The following GPR149 variants were observed in gnomAD, a reference collection of about 807,000 sequenced individuals.
The protein encoded by GPR149 is probable G protein-coupled receptor 149.
Under a neutral mutation model 50.2 loss-of-function variants are expected in GPR149, and 50 were observed. The observed-to-expected ratio is 1.00, with a 90% CI of 0.79 to 1.26. The LOEUF is 1.26. Among genes scored for constraint, GPR149 ranks in the 50% most tolerant of loss-of-function variants. The pLI, the probability that GPR149 is intolerant of heterozygous loss-of-function variation, is 0.00. For missense variants in GPR149, 983 were observed against 895.4 expected, an observed-to-expected ratio of 1.10 and a Z score of -1.25; for synonymous variants, 405 against 358.2, an observed-to-expected ratio of 1.13 and a Z score of -1.48.
rs374985361 is a variant in GPR149 at position 154,338,127 on chromosome 3, C to A, written c.1768G>T (p.Glu590Ter). 6.2e-7 allele frequency: 1 copy of A among 1,614,022 alleles called. No homozygotes were observed. Among genetic ancestry groups the A allele is most frequent in the Non-Finnish European group, 8.5e-7 (1 of 1,180,030 alleles). The part of the protein sequence containing the change: ...QKITPASKKI[E>*]VYRSKSVGHE... ...CCAACACTTTTGGATCGATAGACTT[C>A]TATTTTCTTAGAGGCTGGAGTTATT... is the stretch of plus-strand genomic sequence containing the variant. Residue 590 changes from glutamate (E) to a stop codon, truncating the protein, a stop_gained, in exon 4 of 4, where the codon GAA becomes TAA. Coordinates refer to ENST00000389740, the MANE Select transcript of GPR149 (RefSeq NM_001038705.3). LOFTEE classifies it high-confidence loss of function.
chr3:154,368,404 A>T (rs185279593), intron 3 of GPR149, among the ~76,000 whole-genome samples: 7 of 152,308 alleles, frequency 4.6e-5, no homozygotes, highest in African/African-American at 1.7e-4. Context: ...GCTATTTTAA[A>T]GGGCCAGTTC....
chr3:154,345,159 G>T (rs75246037), intron 3 of GPR149, among the ~76,000 whole-genome samples: 2 of 152,238 alleles, frequency 1.3e-5, no homozygotes, highest in Non-Finnish European at 2.9e-5. Context: ...ACAAAAGTGT[G>T]CATAAATTGG....
chr3:154,398,358 C>G (rs1166905078), intron 3 of GPR149, among the ~76,000 whole-genome samples: 3 of 152,116 alleles, frequency 2.0e-5, no homozygotes, highest in South Asian at 2.1e-4. Context: ...ATGACAATAT[C>G]TTGACTTTCT....
At chr3:154,385,142 G>T (rs1049890884) in intron 3 of GPR149, among the ~76,000 whole-genome samples, 1 of 152,156 alleles carries the variant, frequency 6.6e-6, no homozygotes, top group African/African-American at 2.4e-5. Flanking sequence ...TTTGTGCTTG[G>T]TGTTTAGATA....
intron 3 of GPR149, among the ~76,000 whole-genome samples, chr3:154,345,100 C>G (rs1285945027): frequency 6.6e-6 from 1 of 152,174 alleles, no homozygotes; most frequent in Non-Finnish European, 1.5e-5. Context: ...CTACCTATAA[C>G]AGTGTCTGGC....
intron 3 of GPR149, among the ~76,000 whole-genome samples, chr3:154,369,932 C>T (rs994676732): frequency 6.6e-6 from 1 of 152,136 alleles, no homozygotes; most frequent in Admixed American, 6.5e-5. Context: ...GAAAAATTCC[C>T]CACAGGGCAA....
intron 3 of GPR149, among the ~76,000 whole-genome samples, chr3:154,389,348 T>A (rs1462287636): frequency 6.6e-6 from 1 of 152,088 alleles, no homozygotes. Flanking sequence ...AAGGACACCC[T>A]CTTGCCAAGG....
At chr3:154,417,824 T>G (rs1006172971) in intron 3 of GPR149, among the ~76,000 whole-genome samples, 1 of 152,114 alleles carries the variant, frequency 6.6e-6, no homozygotes, top group Non-Finnish European at 1.5e-5. Flanking sequence ...AGGGTAAGAA[T>G]TAAAAGTTGT....
At chr3:154,374,036 T>C (rs1714729101) in intron 3 of GPR149, among the ~76,000 whole-genome samples, 1 of 152,168 alleles carries the variant, frequency 6.6e-6, no homozygotes, top group African/African-American at 2.4e-5. Context: ...AAATATCTTT[T>C]GGGTGCTTAG....
At chr3:154,400,208 A>T (rs902323404) in intron 3 of GPR149, among the ~76,000 whole-genome samples, 2 of 151,846 alleles carry the variant, frequency 1.3e-5, no homozygotes, top group Non-Finnish European at 2.9e-5. Flanking sequence ...GGATGGTCTC[A>T]ATCTCCTGAC....
At chr3:154,352,491 A>G in intron 3 of GPR149, 1 of 775,838 alleles carries the variant, frequency 1.3e-6, no homozygotes, top group Non-Finnish European at 2.4e-6. Flanking sequence ...CACACTGGTA[A>G]TCTGAGACGC....
chr3:154,429,028 G>A lies in GPR149; in HGVS notation c.588C>T (p.Ile196=), dbSNP rs1358765958. The change falls in exon 1 of 4, where the codon ATC becomes ATT. Residue 196 remains isoleucine (I), a synonymous_variant. Transcript: ENST00000389740. The stretch of plus-strand genomic sequence containing the variant: ...GGAGTCCGAAGGCCAAAGCGTACAC[G>A]ATAGAGAGGAATAGTACGTAGGAGC... ...CSSSYVLFLS[I]VYALAFGLLV... 1 of 1,614,026 alleles carries A rather than the reference G, an allele frequency of 6.2e-7. No homozygotes were observed. The highest frequency in any genetic ancestry group is 1.7e-5 in the Admixed American group (1 of 60,028).
intron 3 of GPR149, among the ~76,000 whole-genome samples, chr3:154,401,656 G>A (rs1212218689): frequency 6.6e-6 from 1 of 151,916 alleles, no homozygotes; most frequent in Admixed American, 6.6e-5. Flanking sequence ...CAAACTGGGG[G>A]GAAAAACAGG....
chr3:154,411,967 T>C (rs1023576014), intron 3 of GPR149, among the ~76,000 whole-genome samples: 4 of 152,066 alleles, frequency 2.6e-5, no homozygotes, highest in African/African-American at 4.8e-5. Flanking sequence ...ACTAGCTAAC[T>C]GAATCCAACA....
intron 3 of GPR149, among the ~76,000 whole-genome samples, chr3:154,376,861 C>T (rs1012730845): frequency 1.7e-4 from 26 of 152,128 alleles, no homozygotes; most frequent in Non-Finnish European, 3.5e-4. Flanking sequence ...CCTTGAGCAA[C>T]TTCTCTGTGC....
intron 3 of GPR149, chr3:154,353,907 G>T: frequency 1.9e-6 from 1 of 540,244 alleles, no homozygotes. Flanking sequence ...TCAGAAATAC[G>T]GAAATAGGAG....
At chr3:154,373,349 C>T (rs923683193) in intron 3 of GPR149, among the ~76,000 whole-genome samples, 11 of 152,098 alleles carry the variant, frequency 7.2e-5, no homozygotes, top group Admixed American at 7.2e-4. Context: ...AATCAGGCTA[C>T]TAAAATGGAA....
chr3:154,421,078 C>G lies in GPR149; in HGVS notation c.1584G>C (p.Trp528Cys). ...EESQKPDLSD[W>C]EWCRSKSERT... Reference sequence around the variant, plus strand: ...TTTCTGATTTACTCCTACACCACTCCCAGTCTGAAAGATCTGGTTTCTGAC... The same window carrying G: ...TTTCTGATTTACTCCTACACCACTCGCAGTCTGAAAGATCTGGTTTCTGAC... Residue 528 changes from tryptophan to cysteine, a missense_variant, in exon 3 of 4, where the codon TGG (tryptophan) becomes TGC (cysteine). Coordinates refer to ENST00000389740, the MANE Select transcript of GPR149 (RefSeq NM_001038705.3). The G allele has an allele frequency of 1.2e-6, 2 of 1,612,732 alleles. No homozygotes were observed. Among genetic ancestry groups the G allele is most frequent in the Non-Finnish European group, 1.7e-6 (2 of 1,179,366 alleles).
At chr3:154,344,371 C>A (rs1396834860) in intron 3 of GPR149, among the ~76,000 whole-genome samples, 5 of 151,964 alleles carry the variant, frequency 3.3e-5, no homozygotes, top group Non-Finnish European at 5.9e-5. Flanking sequence ...AAGTAAAAGG[C>A]AATAGTATCT....
Sources: allele counts gnomAD v4.1 joint callset (sites outside exome capture counted in the v4.1 genomes callset), GRCh38; gene constraint gnomAD v4.1.1; transcripts MANE v1.5; gene names NCBI Gene and HGNC (gene_info 2026-07-23, HGNC 2026-07-21).